Variants in PTH2R observed in about 807,000 individuals in gnomAD.
The protein encoded by PTH2R is parathyroid hormone 2 receptor, also known as PTH2 receptor.
Under a neutral mutation model 60.3 loss-of-function variants are expected in PTH2R, and 59 were observed. The ratio of observed to expected loss-of-function variants is 0.98; its 90% CI spans 0.79 to 1.22. The LOEUF (loss-of-function observed/expected upper bound fraction) is 1.22, where lower values mean the gene tolerates loss of function less well. Ranked by LOEUF, PTH2R falls within the 50% of genes most tolerant of loss-of-function variation. PTH2R has a pLI of 0.00. For synonymous variants in PTH2R, 256 were observed against 243.8 expected (o/e 1.05, Z -0.47); for missense variants, 749 against 682.6 (o/e 1.10, Z -1.08).
At chr2:208,408,735 AGAGAAAG>A in intron 1 of PTH2R, among the ~76,000 whole-genome samples, 1 of 61,194 alleles carries the variant, frequency 1.6e-5, no homozygotes, top group East Asian at 6.4e-4. Context: ...AGAGAGAGAG[AGAGAAAG>A]AGAGAGAGAG....
intron 7 of PTH2R, among the ~76,000 whole-genome samples, chr2:208,446,241 A>G (rs1164149568): frequency 6.6e-6 from 1 of 152,124 alleles, no homozygotes; most frequent in Non-Finnish European, 1.5e-5. Flanking sequence ...TTTGGGCTTT[A>G]TCACTCAGTC....
upstream of PTH2R, among the ~76,000 whole-genome samples, chr2:208,406,602 C>T (rs536176957): frequency 2.0e-5 from 3 of 152,294 alleles, no homozygotes; most frequent in South Asian, 6.2e-4. Flanking sequence ...TGGAGGGAAG[C>T]AGAAACATTG....
At chr2:208,373,597 G>C (rs1166875043) in intron 1 of PTH2R, among the ~76,000 whole-genome samples, 1 of 152,116 alleles carries the variant, frequency 6.6e-6, no homozygotes, top group Non-Finnish European at 1.5e-5. Flanking sequence ...TGGAGGAAGA[G>C]GGTATTTGCA....
Position 208,363,155 on chromosome 2 carries a change from G to GT in PTH2R, c.-259+2924dup, listed in dbSNP as rs552845278. ...AAATGAGCATAGTACCTGATAGGTA[G>GT]TTTTTTGACCCTCCCCCTTCTCCCA... On this transcript the variant is annotated intron_variant, in intron 1 of 12. Coordinates refer to the PTH2R transcript ENST00000617735. Among the ~76,000 whole-genome samples the GT allele has an allele frequency of 5.1e-4, 77 of 152,226 alleles. 1 individual carries two copies. The South Asian group carries it at 0.015, about 30-fold the overall frequency.
chr2:208,419,091 G>A (rs965793456), intron 1 of PTH2R, among the ~76,000 whole-genome samples: 7 of 152,110 alleles, frequency 4.6e-5, no homozygotes, highest in Admixed American at 1.3e-4. Context: ...CTGAGCAATC[G>A]CCATACCAAC....
At chr2:208,444,633 C>A in intron 6 of PTH2R, 101 bp from the exon 7 acceptor site, 1 of 1,166,048 alleles carries the variant, frequency 8.6e-7, no homozygotes, top group Non-Finnish European at 1.2e-6. Flanking sequence ...GACATATTAG[C>A]CTGAAAAAGA....
chr2:208,418,954 T>G (rs1701696970), intron 1 of PTH2R, among the ~76,000 whole-genome samples: 1 of 152,240 alleles, frequency 6.6e-6, no homozygotes, highest in South Asian at 2.1e-4. Flanking sequence ...CACTGTATAG[T>G]CTTTATGTAT....
chr2:208,439,581 T>A (rs1257956113), intron 4 of PTH2R, among the ~76,000 whole-genome samples: 1 of 152,036 alleles, frequency 6.6e-6, no homozygotes, highest in East Asian at 1.9e-4. Context: ...GCCACATTTT[T>A]ATCAGGAAAA....
intron 1 of PTH2R, among the ~76,000 whole-genome samples, chr2:208,362,336 C>T (rs889615961): frequency 1.3e-5 from 2 of 152,074 alleles, no homozygotes; most frequent in African/African-American, 4.8e-5. Flanking sequence ...TAATAAATCT[C>T]CTCTTATGTA....
rs182928323 is a variant in PTH2R, at chr2:208,439,533, A to G, written c.411+1652A>G. On this transcript the variant is annotated intron_variant, in intron 4 of 12. Coordinates refer to ENST00000272847, the MANE Select transcript of PTH2R (RefSeq NM_005048.4). ...AATAAAATTTTTTTATAAGGAAGGA[A>G]AGGCAAAAAACTAAAAAAGTGTAAA... is the stretch of plus-strand genomic sequence containing the variant. Among the ~76,000 whole-genome samples the G allele has an allele frequency of 2.1e-3, 316 of 152,084 alleles. 2 individuals are homozygous for G. The highest frequency in any genetic ancestry group is 7.2e-3 in the African/African-American group (300 of 41,554).
chr2:208,464,903 T>C (rs1702711749), intron 9 of PTH2R, among the ~76,000 whole-genome samples: 2 of 152,164 alleles, frequency 1.3e-5, no homozygotes, highest in Non-Finnish European at 2.9e-5. Flanking sequence ...GTACACATTT[T>C]TTTTTCTCTC....
intron 9 of PTH2R, among the ~76,000 whole-genome samples, chr2:208,463,787 C>A (rs1211306672): frequency 6.6e-6 from 1 of 152,206 alleles, no homozygotes; most frequent in Non-Finnish European, 1.5e-5. Flanking sequence ...CACATTCTAC[C>A]TTGTATATCA....
intron 9 of PTH2R, among the ~76,000 whole-genome samples, chr2:208,472,009 C>T (rs187796899): frequency 5.9e-5 from 9 of 152,326 alleles, no homozygotes; most frequent in African/African-American, 1.9e-4. Context: ...TGCATGGGCC[C>T]TGTAGCCCCT....
rs767964020 is a variant in PTH2R at position 208,493,515 on chromosome 2, CT to C, written c.1510del (p.Cys504AlafsTer22). 1.9e-6 allele frequency: 3 copies of C among 1,613,848 alleles called. No individual in the cohort carries two copies. The highest frequency in any genetic ancestry group is 4.5e-5 in the East Asian group (2 of 44,892). On this transcript the variant is annotated frameshift_variant, in exon 13 of 13. Coordinates refer to ENST00000272847, the MANE Select transcript of PTH2R (RefSeq NM_005048.4). LOFTEE classifies it low-confidence loss of function (END_TRUNC). ...ATGTCTGGAGTAACTCAGAGCAGGA[CT>C]GCCTGCCACACTCTTTCCACGAGGA... is the stretch of plus-strand genomic sequence containing the variant. ...GYVWSNSEQDCLPHSFHEETK... is the reference protein window; with the variant it reads ...GYVWSNSEQDXLPHSFHEETK...
intron 8 of PTH2R, among the ~76,000 whole-genome samples, chr2:208,455,771 T>G (rs1702498320): frequency 6.6e-6 from 1 of 152,140 alleles, no homozygotes; most frequent in Non-Finnish European, 1.5e-5. Context: ...GGGGTTCATA[T>G]TCATGTCTTA....
chr2:208,385,356 T>A (rs1487383713), intron 1 of PTH2R, among the ~76,000 whole-genome samples: 1 of 152,246 alleles, frequency 6.6e-6, no homozygotes, highest in Non-Finnish European at 1.5e-5. Flanking sequence ...CAAATTAGAA[T>A]AATAATACCC....
intron 1 of PTH2R, among the ~76,000 whole-genome samples, chr2:208,380,017 G>C (rs773366021): frequency 2.0e-5 from 3 of 152,050 alleles, no homozygotes; most frequent in African/African-American, 7.3e-5. Context: ...CTCACTAGCC[G>C]TGTGAACATG....
chr2:208,383,786 T>C (rs999666477), intron 1 of PTH2R, among the ~76,000 whole-genome samples: 2 of 152,210 alleles, frequency 1.3e-5, no homozygotes, highest in Non-Finnish European at 2.9e-5. Flanking sequence ...GAATATCACT[T>C]CCCTGCTGAG....
At chr2:208,370,898 C>T (rs764347471) in intron 1 of PTH2R, among the ~76,000 whole-genome samples, 7 of 151,956 alleles carry the variant, frequency 4.6e-5, no homozygotes, top group Non-Finnish European at 8.8e-5. Context: ...GTGCTCAGCT[C>T]CTGGTGAGGG....
Sources: gnomAD v4.1 joint callset for allele counts (sites outside exome capture counted in the v4.1 genomes callset) on GRCh38, gnomAD v4.1.1 for gene constraint, MANE v1.5 for transcripts, NCBI Gene and HGNC (gene_info 2026-07-23, HGNC 2026-07-21) for gene names.